TDRD12: variants seen among roughly 807,000 people sequenced by gnomAD.
The protein encoded by TDRD12 is tudor domain containing 12.
Under a neutral mutation model 133.5 loss-of-function variants are expected in TDRD12, and 158 were observed. The observed-to-expected ratio is 1.18, with a 90% CI of 1.04 to 1.35. The LOEUF (loss-of-function observed/expected upper bound fraction) is 1.35, where lower values mean the gene tolerates loss of function less well. Among genes scored for constraint, TDRD12 ranks in the 40% most tolerant of loss-of-function variants. The pLI is 0.00. For synonymous variants in TDRD12, 460 were observed against 477.9 expected, an observed-to-expected ratio of 0.96 and a Z score of 0.49; for missense variants, 1,443 against 1,321.3, an observed-to-expected ratio of 1.09 and a Z score of -1.43.
At position 32,803,043 on chromosome 19, in the gene TDRD12, C is replaced by T. The variant is rs376390005; in HGVS notation, c.2453C>T (p.Ala818Val). The change falls in exon 21 of 28, where the codon GCA (alanine) becomes GTA (valine). Residue 818 changes from alanine to valine, a missense_variant. Transcript: ENST00000444215. ...GAGCGAGCGGACGCCAAGGTCCCCG[C>T]AGAGCTGTACGAGTTCACCGCAGGA... is the stretch of plus-strand genomic sequence containing the variant. 40 of 1,535,962 alleles carry T rather than the reference C, an allele frequency of 2.6e-5. No homozygotes were observed. The African/African-American group carries it at 3.0e-4, about 12-fold the overall frequency.
chr19:32,781,701 C>T (rs1056826686), intron 11 of TDRD12, among the ~76,000 whole-genome samples: 2 of 151,954 alleles, frequency 1.3e-5, no homozygotes, highest in Non-Finnish European at 2.9e-5. Context: ...CTCTCTCTCT[C>T]TCTCTCTCTC....
rs1437204721 is a variant in TDRD12 at position 32,800,154 on chromosome 19, G to T, written c.1759-13G>T. 7.4e-7 allele frequency: 1 copy of T among 1,358,724 alleles called. No homozygotes were observed. The highest frequency in any genetic ancestry group is 2.4e-5 in the Admixed American group (1 of 41,320). 84.2% of individuals were successfully genotyped at this position (1,358,724 alleles called of 1,614,324 possible). ...TTGAAATAAAAATGAAATTAATTAT[G>T]CTAATTTTTCAGATGTTTGCTATAT... On this transcript the variant is annotated splice_polypyrimidine_tract_variant and intron_variant, in intron 16 of 27. Transcript: ENST00000444215.
intron 6 of TDRD12, among the ~76,000 whole-genome samples, chr19:32,754,595 A>T (rs1397131877): frequency 6.6e-6 from 1 of 151,814 alleles, no homozygotes; most frequent in Non-Finnish European, 1.5e-5. Flanking sequence ...TTCTCTATAA[A>T]CTTGCTTTCT....
At chr19:32,817,944 T>C in intron 26 of TDRD12, 145 bp from the exon 27 acceptor site, 1 of 653,454 alleles carries the variant, frequency 1.5e-6, no homozygotes, top group East Asian at 2.7e-5. Flanking sequence ...TAGGGCCTGG[T>C]AGCTTTAGAA....
At chr19:32,739,770 T>TG (rs1488715798) in intron 3 of TDRD12, among the ~76,000 whole-genome samples, 9 of 130,480 alleles carry the variant, frequency 6.9e-5, no homozygotes, top group African/African-American at 1.8e-4. Context: ...CTGCATCTCC[T>TG]GGTGCTCTCT....
intron 6 of TDRD12, among the ~76,000 whole-genome samples, chr19:32,754,669 C>CTTTTTTTTTTTTT (rs35714049): frequency 5.7e-5 from 4 of 70,072 alleles, no homozygotes; most frequent in African/African-American, 1.2e-4. Context: ...ATGACTCTAT[C>CTTTTTTTTTTTTT]TTTTTTTTTT....
chr19:32,737,777 A>G (rs975655386), intron 2 of TDRD12, among the ~76,000 whole-genome samples: 2 of 152,230 alleles, frequency 1.3e-5, no homozygotes, highest in Admixed American at 1.3e-4. Context: ...ACAAAAATCC[A>G]TGTCATCAAG....
chr19:32,728,045 T>A (rs1298474308), intron 1 of TDRD12, among the ~76,000 whole-genome samples: 1 of 152,186 alleles, frequency 6.6e-6, no homozygotes, highest in African/African-American at 2.4e-5. Context: ...CTGAATGGTT[T>A]TGGTACCCTT....
chr19:32,744,725 T>A (rs1969550084), intron 4 of TDRD12, among the ~76,000 whole-genome samples: 1 of 151,930 alleles, frequency 6.6e-6, no homozygotes, highest in Non-Finnish European at 1.5e-5. Flanking sequence ...CACTACCGAG[T>A]GGCCTGACTT....
intron 11 of TDRD12, among the ~76,000 whole-genome samples, chr19:32,786,930 C>T (rs1369629283): frequency 6.6e-6 from 1 of 152,200 alleles, no homozygotes; most frequent in Non-Finnish European, 1.5e-5. Flanking sequence ...CTTCTGTCAA[C>T]TCATCAAACT....
intron 6 of TDRD12, among the ~76,000 whole-genome samples, chr19:32,753,528 C>T (rs1259196487): frequency 1.3e-5 from 2 of 151,390 alleles, no homozygotes; most frequent in East Asian, 1.9e-4. Context: ...TTTCCTGAAA[C>T]GGAGTCTTGC....
chr19:32,776,775 T>C (rs1970596916), intron 10 of TDRD12, among the ~76,000 whole-genome samples: 1 of 152,200 alleles, frequency 6.6e-6, no homozygotes, highest in Non-Finnish European at 1.5e-5. Context: ...AGGACTAAGC[T>C]CCAGTTCTCA....
chr19:32,802,477 CTG>C (rs1971427208), intron 19 of TDRD12, among the ~76,000 whole-genome samples, 177 bp from the exon 20 acceptor site: 1 of 151,962 alleles, frequency 6.6e-6, no homozygotes, highest in African/African-American at 2.4e-5. Flanking sequence ...CCACTTTTCT[CTG>C]GAATTTAAGC....
At chr19:32,810,865 C>T (rs1049848323) in intron 23 of TDRD12, among the ~76,000 whole-genome samples, 12 of 151,824 alleles carry the variant, frequency 7.9e-5, no homozygotes, top group African/African-American at 2.4e-4. Context: ...GCACTCCAGC[C>T]GGGGCCACAG....
intron 8 of TDRD12, among the ~76,000 whole-genome samples, chr19:32,764,829 C>T (rs1970248732): frequency 6.6e-6 from 1 of 152,128 alleles, no homozygotes; most frequent in African/African-American, 2.4e-5. Flanking sequence ...TAGGCATGGG[C>T]AAGGACTTCA....
intron 10 of TDRD12, 128 bp downstream of exon 10, chr19:32,773,660 T>TG: frequency 1.5e-6 from 1 of 662,884 alleles, no homozygotes; most frequent in African/African-American, 1.8e-5. Context: ...ATCGTACCAC[T>TG]GTACTCCAGC....
chr19:32,740,170 C>T (rs951959695), intron 3 of TDRD12, among the ~76,000 whole-genome samples: 2 of 138,398 alleles, frequency 1.4e-5, no homozygotes, highest in African/African-American at 5.6e-5. Flanking sequence ...CTCTCTGCAT[C>T]TCCTGGGTGC....
intron 20 of TDRD12, 30 bp from the exon 21 acceptor site, chr19:32,802,892 C>A: frequency 6.5e-7 from 1 of 1,527,602 alleles, no homozygotes; most frequent in South Asian, 1.2e-5. Context: ...GATAGATGAT[C>A]CACTTCCTTT....
chr19:32,744,072 A>G (rs1969516315), intron 4 of TDRD12, among the ~76,000 whole-genome samples: 1 of 151,752 alleles, frequency 6.6e-6, no homozygotes, highest in Non-Finnish European at 1.5e-5. Flanking sequence ...TTGTCAACAT[A>G]CGTATCTCTT....
Sources: allele counts gnomAD v4.1 joint callset (sites outside exome capture counted in the v4.1 genomes callset), GRCh38; gene constraint gnomAD v4.1.1; transcripts MANE v1.5; gene names NCBI Gene and HGNC (gene_info 2026-07-23, HGNC 2026-07-21).